PHEX: variants seen among roughly 807,000 people sequenced by gnomAD.
PHEX encodes phosphate-regulating neutral endopeptidase PHEX.
In PHEX, 16 loss-of-function variants were observed where a neutral mutation model predicts 68.0. The observed-to-expected ratio is 0.24, with a 90% confidence interval of 0.16 to 0.36. The LOEUF (loss-of-function observed/expected upper bound fraction) is 0.36. Among genes scored for constraint, PHEX ranks in the 10% least tolerant of loss-of-function variants. The pLI is 1.00. For missense variants in PHEX, 480 were observed against 575.5 expected (o/e 0.83, Z 1.70); for synonymous variants, 208 against 205.1 (o/e 1.01, Z -0.12).
Position 22,088,920 on chromosome X carries a change from AGT to A in PHEX, c.664-1508_664-1507del, listed in dbSNP as rs1929738182. 4.5e-5 allele frequency among the ~76,000 whole-genome samples: 5 copies of A among 112,321 alleles called. No homozygotes were observed. In the South Asian group the frequency reaches 1.8e-3, roughly 41 times the overall value. ...CCAATATTTTTTCCAGAAGTTTTAT[AGT>A]TTTAGGTTTTACATTTAGGGCTATG... On this transcript the variant is annotated intron_variant, in intron 5 of 21. Coordinates refer to ENST00000379374, the MANE Select transcript of PHEX (RefSeq NM_000444.6).
chrX:22,167,540 G>A (rs1933373993), intron 12 of PHEX, among the ~76,000 whole-genome samples: 1 of 96,748 alleles, frequency 1.0e-5, no homozygotes, highest in South Asian at 5.0e-4. Context: ...CACCCAGGCT[G>A]GAGTGCAGTA....
intron 20 of PHEX, among the ~76,000 whole-genome samples, chrX:22,235,750 A>T (rs1219961777): frequency 9.1e-6 from 1 of 110,156 alleles, no homozygotes; most frequent in Non-Finnish European, 1.9e-5. Context: ...ATAGTTAGTT[A>T]TCATATATAG....
chrX:22,173,360 G>A (rs1210517855), intron 13 of PHEX, among the ~76,000 whole-genome samples: 1 of 110,696 alleles, frequency 9.0e-6, no homozygotes, highest in East Asian at 2.9e-4. Context: ...GTGTGGAGAT[G>A]GGACATCTGG....
chrX:22,150,761 A>G (rs765295395), intron 12 of PHEX, among the ~76,000 whole-genome samples: 1 of 112,161 alleles, frequency 8.9e-6, no homozygotes, highest in Non-Finnish European at 1.9e-5. Flanking sequence ...GTTTTGAAAG[A>G]GGTTACTCAA....
intron 14 of PHEX, among the ~76,000 whole-genome samples, chrX:22,179,211 A>C (rs1327131769): frequency 9.9e-6 from 1 of 101,425 alleles, no homozygotes; most frequent in African/African-American, 3.5e-5. Context: ...GCTAAGGCCC[A>C]CTTCTCCAAT....
At chrX:22,082,514 A>C (rs1361695551) in intron 5 of PHEX, among the ~76,000 whole-genome samples, 1 of 112,063 alleles carries the variant, frequency 8.9e-6, no homozygotes, top group Non-Finnish European at 1.9e-5. Flanking sequence ...TTCTTTTGAA[A>C]AGTGTCTGTT....
At chrX:22,228,071 C>G (rs761796365) in intron 20 of PHEX, among the ~76,000 whole-genome samples, 1 of 111,600 alleles carries the variant, frequency 9.0e-6, no homozygotes, top group African/African-American at 3.3e-5. Flanking sequence ...TATGCAGAGA[C>G]CCCTAGAGCT....
chrX:22,188,428 G>C (rs1934098647), intron 14 of PHEX, among the ~76,000 whole-genome samples: 2 of 112,040 alleles, frequency 1.8e-5, no homozygotes, highest in Admixed American at 1.9e-4. Flanking sequence ...ATAACAAGCA[G>C]TCACTGAAAC....
chrX:22,089,051 A>G (rs1336539648), intron 5 of PHEX, among the ~76,000 whole-genome samples: 1 of 112,143 alleles, frequency 8.9e-6, no homozygotes, highest in Non-Finnish European at 1.9e-5. Flanking sequence ...AGATGGAGTC[A>G]CACTCTGTCA....
At chrX:22,189,713 T>C (rs1934139694) in intron 14 of PHEX, among the ~76,000 whole-genome samples, 1 of 112,889 alleles carries the variant, frequency 8.9e-6, no homozygotes, top group Non-Finnish European at 1.9e-5. Flanking sequence ...CTAAAATATT[T>C]ATGATCTCAC....
rs148433608 is a variant in PHEX at position 22,177,581 on chromosome X, T to C, written c.1483-692T>C. Among the ~76,000 whole-genome samples the C allele has an allele frequency of 1.6e-3, 182 of 112,067 alleles. 1 individual carries two copies. In the East Asian group the frequency reaches 0.036, roughly 22 times the overall value. ...AAGCAATTATGTCTGTTTCCTTGTC[T>C]TAATAGACAACATTGTTGTGAGCTG... is the stretch of plus-strand genomic sequence containing the variant. On this transcript the variant is annotated intron_variant, in intron 13 of 21. Transcript: ENST00000379374.
chrX:22,169,363 G>A lies in PHEX; in HGVS notation c.1482+974G>A, dbSNP rs773554221. ...AACTCAGTCTATCTTATTATACACT[G>A]TTTTGATGATGCTGAAAATCCCATT... On this transcript the variant is annotated intron_variant, in intron 13 of 21. Coordinates refer to ENST00000379374, the MANE Select transcript of PHEX (RefSeq NM_000444.6). Among the ~76,000 whole-genome samples, 201 of 112,232 alleles carry A rather than the reference G, an allele frequency of 1.8e-3. 1 individual carries two copies. Among genetic ancestry groups the A allele is most frequent in the African/African-American group, 6.3e-3 (196 of 30,919 alleles).
intron 20 of PHEX, among the ~76,000 whole-genome samples, chrX:22,228,533 G>C (rs897029186): frequency 9.3e-6 from 1 of 108,013 alleles, no homozygotes; most frequent in South Asian, 3.9e-4. Flanking sequence ...TTATTATTTA[G>C]CAACCTAATG....
chrX:22,087,636 G>A (rs1929683149), intron 5 of PHEX, among the ~76,000 whole-genome samples: 1 of 111,820 alleles, frequency 8.9e-6, no homozygotes, highest in African/African-American at 3.2e-5. Context: ...CGAAAAAGAA[G>A]CTGGAGGAGA....
At chrX:22,152,703 AGGATAGC>A (rs1448340501) in intron 12 of PHEX, among the ~76,000 whole-genome samples, 2 of 112,105 alleles carry the variant, frequency 1.8e-5, no homozygotes, top group Non-Finnish European at 3.8e-5. Flanking sequence ...GACAGAGATC[AGGATAGC>A]GGTTCTTTTG....
chrX:22,190,411 A>G (rs1569422865), intron 14 of PHEX, 33 bp from the exon 15 acceptor site: 4 of 1,063,664 alleles, frequency 3.8e-6, no homozygotes, highest in Non-Finnish European at 1.3e-6. Flanking sequence ...TATAATGATG[A>G]TTGCTCTCTG....
intron 12 of PHEX, among the ~76,000 whole-genome samples, chrX:22,149,190 G>T (rs896586693): frequency 8.9e-6 from 1 of 111,858 alleles, no homozygotes; most frequent in African/African-American, 3.3e-5. Context: ...AGGTGAAGGG[G>T]ACAGGTCTGC....
chrX:22,238,605 G>GGCTTGA, intron 20 of PHEX, among the ~76,000 whole-genome samples: 1 of 111,575 alleles, frequency 9.0e-6, no homozygotes, highest in Middle Eastern at 4.6e-3. Flanking sequence ...CCATTGCTGA[G>GGCTTGA]GCTTGAGTAG....
At chrX:22,223,224 C>T (rs1038198747) in intron 18 of PHEX, among the ~76,000 whole-genome samples, 1 of 111,859 alleles carries the variant, frequency 8.9e-6, no homozygotes, top group Non-Finnish European at 1.9e-5. Flanking sequence ...AGGAGCCGTT[C>T]CTTTGTGCCT....
Sources: allele counts gnomAD v4.1 joint callset (sites outside exome capture counted in the v4.1 genomes callset), GRCh38; gene constraint gnomAD v4.1.1; transcripts MANE v1.5; gene names NCBI Gene and HGNC (gene_info 2026-07-23, HGNC 2026-07-21).